FMN2: variants seen among roughly 807,000 people sequenced by gnomAD.
FMN2 encodes formin 2, also known as formin-2.
In FMN2, 51 loss-of-function variants were observed where a neutral mutation model predicts 142.3. The observed-to-expected ratio is 0.36, with a 90% CI of 0.29 to 0.45. The LOEUF is 0.45. Ranked by LOEUF, FMN2 falls within the 20% of genes least tolerant of loss-of-function variation. FMN2 has a pLI of 1.00. For synonymous variants in FMN2, 882 were observed against 869.8 expected, an observed-to-expected ratio of 1.01 and a Z score of -0.25; for missense variants, 1,936 against 2,122.8, an observed-to-expected ratio of 0.91 and a Z score of 1.73.
In FMN2 at chr1:240,159,909, A is replaced by G. The variant is rs911417022; in HGVS notation, c.1783-18012A>G. Among the ~76,000 whole-genome samples, 106 of 78,224 alleles carry G rather than the reference A, an allele frequency of 1.4e-3. 1 individual carries two copies. In the East Asian group the frequency reaches 0.021, roughly 15 times the overall value. 51.3% of individuals were successfully genotyped at this position (78,224 alleles called of 152,430 possible). A position where few individuals can be genotyped will look rare whatever the true frequency, so the allele number is the denominator to read the frequency against. On this transcript the variant is annotated intron_variant, in intron 2 of 17. Coordinates refer to ENST00000319653, the MANE Select transcript of FMN2 (RefSeq NM_020066.5). Reference sequence around the variant, plus strand: ...GAGATATATATATATATCTGTGTATATATATATATATATATATATATATTT... The same window carrying G: ...GAGATATATATATATATCTGTGTATGTATATATATATATATATATATATTT...
intron 6 of FMN2, among the ~76,000 whole-genome samples, chr1:240,215,510 TG>T (rs1028507065): frequency 6.6e-6 from 1 of 152,196 alleles, no homozygotes; most frequent in African/African-American, 2.4e-5. Flanking sequence ...ATTATGGATG[TG>T]GAATATTTTA....
At chr1:240,286,184 CTGGACCCTAAATTGGGGGAGG>C (rs1349642433) in intron 7 of FMN2, among the ~76,000 whole-genome samples, 2 of 152,080 alleles carry the variant, frequency 1.3e-5, no homozygotes, top group African/African-American at 4.8e-5. Context: ...TGGCAGTGTT[CTGGACCCTAAATTGGGGGAGG>C]AGGGCTGAAT....
chr1:240,159,972 T>TAC (rs767025880), intron 2 of FMN2, among the ~76,000 whole-genome samples: 13,921 of 126,252 alleles, frequency 0.11, 766 homozygotes, highest in Middle Eastern at 0.16. Flanking sequence ...TATATATATA[T>TAC]ATACACACAC....
At position 240,329,359 on chromosome 1, in the gene FMN2, TA is replaced by T; in HGVS notation, c.4330del (p.Ile1444SerfsTer38). 1 of 1,613,458 alleles carries T rather than the reference TA, an allele frequency of 6.2e-7. No individual in the cohort carries two copies. Among genetic ancestry groups the T allele is most frequent in the African/African-American group, 1.3e-5 (1 of 75,016 alleles). Reference protein sequence around the residue: ...KPEQFLYELSLIPNFSERVFC... With the variant: ...KPEQFLYELSXIPNFSERVFC... Reference sequence around the variant, plus strand: ...CTTAGGTTCCTTTATGAACTGTCACTAATCCCCAACTTTTCAGAGCGAGTCT... The same window carrying T: ...CTTAGGTTCCTTTATGAACTGTCACTATCCCCAACTTTTCAGAGCGAGTCT... On this transcript the variant is annotated frameshift_variant, in exon 10 of 18. Coordinates refer to ENST00000319653, the MANE Select transcript of FMN2 (RefSeq NM_020066.5). LOFTEE classifies it high-confidence loss of function.
At chr1:240,332,526 A>G (rs10926218) in intron 11 of FMN2, among the ~76,000 whole-genome samples, 29,676 of 152,106 alleles carry the variant, frequency 0.2, 3,003 homozygotes, top group East Asian at 0.26. Flanking sequence ...AATAGATTCT[A>G]GTGATCATAT....
At position 240,091,884 on chromosome 1, in the gene FMN2, C is replaced by A; in HGVS notation, c.-226C>A. ...TTCGCGCCCCGCCGGCCCCTAGCCG[C>A]AGCCGCAGCCGCAGCGACGGCAGCC... On this transcript the variant is annotated 5_prime_UTR_variant, in exon 1 of 18. Transcript: ENST00000319653. The A allele has an allele frequency of 1.5e-6, 1 of 678,406 alleles. No homozygotes were observed. Among genetic ancestry groups the A allele is most frequent in the South Asian group, 3.2e-5 (1 of 31,598 alleles). 42.0% of individuals were successfully genotyped at this position (678,406 alleles called of 1,614,324 possible). A position where few individuals can be genotyped will look rare whatever the true frequency, so the allele number is the denominator to read the frequency against.
At position 240,210,070 on chromosome 1, in the gene FMN2, C is replaced by T. The variant is rs537272828; in HGVS notation, c.3921-1021C>T. Reference sequence around the variant, plus strand: ...AAAATTTCATGGCACTTCTGTCCCTCATTGGCAACACAGCACAAAGTCATA... The same window carrying T: ...AAAATTTCATGGCACTTCTGTCCCTTATTGGCAACACAGCACAAAGTCATA... On this transcript the variant is annotated intron_variant, in intron 5 of 17. Transcript: ENST00000319653. Among the ~76,000 whole-genome samples, 412 of 152,278 alleles carry T rather than the reference C, an allele frequency of 2.7e-3. 3 individuals carry two copies. The South Asian group carries it at 0.027, about 10-fold the overall frequency.
At chr1:240,163,091 A>T (rs1051830317) in intron 2 of FMN2, among the ~76,000 whole-genome samples, 5 of 152,160 alleles carry the variant, frequency 3.3e-5, no homozygotes, top group Non-Finnish European at 7.4e-5. Flanking sequence ...TTAATTCATT[A>T]TATTAAGAGA....
At chr1:240,336,553 C>T (rs1204988418) in intron 13 of FMN2, among the ~76,000 whole-genome samples, 1 of 50,526 alleles carries the variant, frequency 2.0e-5, no homozygotes, top group African/African-American at 4.9e-5. Context: ...TGGTATTCTC[C>T]AAAAAAAAAA....
At chr1:240,200,619 A>G (rs192464691) in intron 4 of FMN2, among the ~76,000 whole-genome samples, 62 of 152,236 alleles carry the variant, frequency 4.1e-4, no homozygotes, top group Middle Eastern at 6.8e-3. Context: ...AGATGCGCTT[A>G]GTTGCTCTGC....
chr1:240,150,222 C>T (rs1467306918), intron 2 of FMN2, among the ~76,000 whole-genome samples: 5 of 152,116 alleles, frequency 3.3e-5, no homozygotes, highest in African/African-American at 1.2e-4. Context: ...AAGCTTACAT[C>T]AAGATACAAA....
chr1:240,178,647 C>T (rs1190782626), intron 3 of FMN2, among the ~76,000 whole-genome samples: 1 of 152,018 alleles, frequency 6.6e-6, no homozygotes, highest in African/African-American at 2.4e-5. Context: ...GTTGCCTAGG[C>T]TGATCCAGAC....
At chr1:240,429,138 T>C (rs1264427884) in intron 15 of FMN2, among the ~76,000 whole-genome samples, 1 of 152,200 alleles carries the variant, frequency 6.6e-6, no homozygotes, top group Non-Finnish European at 1.5e-5. Context: ...CTTTACTAAG[T>C]TCTTGTACCT....
intron 16 of FMN2, among the ~76,000 whole-genome samples, chr1:240,442,206 C>T (rs1675645321): frequency 6.6e-6 from 1 of 152,188 alleles, no homozygotes. Flanking sequence ...TTAGCTTTAA[C>T]TTCCCAGCTA....
At position 240,372,238 on chromosome 1, in the gene FMN2, A is replaced by AAAAC. The variant is rs372701756; in HGVS notation, c.4858+16334_4858+16337dup. On this transcript the variant is annotated intron_variant, in intron 14 of 17. Transcript: ENST00000319653. ...GCAACAGAGAGAGACTCCATCTCAA[A>AAAAC]AAACAAAAACTTATGAGAAAAGTCA... Among the ~76,000 whole-genome samples the AAAAC allele has an allele frequency of 2.4e-3, 363 of 152,300 alleles. 5 individuals are homozygous for AAAAC. Among genetic ancestry groups the AAAAC allele is most frequent in the African/African-American group, 8.4e-3 (348 of 41,572 alleles).
At chr1:240,263,377 C>G (rs1406457984) in intron 7 of FMN2, among the ~76,000 whole-genome samples, 1 of 152,182 alleles carries the variant, frequency 6.6e-6, no homozygotes, top group Non-Finnish European at 1.5e-5. Context: ...TGGCTGCACC[C>G]AGTACTGTTT....
In FMN2 at chr1:240,294,854, C is replaced by G. The variant is rs1451591649; in HGVS notation, c.4186C>G (p.Leu1396Val). Residue 1396 changes from leucine to valine, a missense_variant, in exon 8 of 18, where the codon CTG becomes GTG. By Grantham distance (32) the Leu-to-Val change is conservative. Transcript: ENST00000319653. The stretch of plus-strand genomic sequence containing the variant: ...GAACTTGGATAATTCTGTGGTTGAC[C>G]TGGAGACCCTTCAAGCTCTCTATGA... ...VVNLDNSVVD[L>V]ETLQALYENR... 1.2e-6 allele frequency: 2 copies of G among 1,613,728 alleles called. No individual in the cohort carries two copies. Among genetic ancestry groups the G allele is most frequent in the Non-Finnish European group, 1.7e-6 (2 of 1,179,898 alleles).
intron 15 of FMN2, among the ~76,000 whole-genome samples, chr1:240,397,785 CAAAAAAAAAAA>C (rs35826717): frequency 0.02 from 937 of 46,830 alleles, 19 homozygotes; most frequent in African/African-American, 0.069. Context: ...GACTCCTTCT[CAAAAAAAAAAA>C]AAAAAAAAAA....
chr1:240,117,606 A>G (rs1293212224), intron 1 of FMN2, among the ~76,000 whole-genome samples: 2 of 152,244 alleles, frequency 1.3e-5, no homozygotes, highest in African/African-American at 4.8e-5. Flanking sequence ...ATTGTGCAAC[A>G]GTAGTAGGGA....
Sources: allele counts gnomAD v4.1 joint callset (sites outside exome capture counted in the v4.1 genomes callset), GRCh38; gene constraint gnomAD v4.1.1; transcripts MANE v1.5; gene names NCBI Gene and HGNC (gene_info 2026-07-23, HGNC 2026-07-21).